KIF21A: variants seen among roughly 807,000 people sequenced by gnomAD.
KIF21A encodes the protein kinesin family member 21A.
In KIF21A, 114 loss-of-function variants were observed where a neutral mutation model predicts 202.9. That is an observed-to-expected ratio of 0.56 (90% confidence interval 0.48 to 0.66). The LOEUF (loss-of-function observed/expected upper bound fraction) is 0.66, where lower values mean the gene tolerates loss of function less well. Among genes scored for constraint, KIF21A ranks in the 30% least tolerant of loss-of-function variants. KIF21A has a pLI of 0.00. For synonymous variants in KIF21A, 667 were observed against 670.8 expected (o/e 0.99, Z 0.09); for missense variants, 1,677 against 1,994.9 (o/e 0.84, Z 3.04).
At chr12:39,323,448 A>G (rs993262313) in intron 26 of KIF21A, among the ~76,000 whole-genome samples, 3 of 152,188 alleles carry the variant, frequency 2.0e-5, no homozygotes, top group Admixed American at 6.5e-5. Flanking sequence ...TTTTTTTTCA[A>G]TTATTGTAAG....
chr12:39,318,996 G>A (rs1234575294), intron 28 of KIF21A, among the ~76,000 whole-genome samples: 3 of 150,718 alleles, frequency 2.0e-5, no homozygotes, highest in Non-Finnish European at 4.4e-5. Context: ...AAAAAAAAAA[G>A]GATAATTTCT....
chr12:39,405,030 T>C (rs1952472733), intron 1 of KIF21A, among the ~76,000 whole-genome samples: 2 of 152,110 alleles, frequency 1.3e-5, no homozygotes, highest in Admixed American at 6.6e-5. Flanking sequence ...AAGTGTATAA[T>C]GGAGAATTTA....
chr12:39,420,514 A>G (rs1481126097), intron 1 of KIF21A, among the ~76,000 whole-genome samples: 7 of 152,144 alleles, frequency 4.6e-5, no homozygotes, highest in Admixed American at 6.6e-5. Context: ...TCTTCCTCAA[A>G]TGTGTCTCCA....
intron 1 of KIF21A, among the ~76,000 whole-genome samples, chr12:39,405,836 G>A (rs1014679837): frequency 6.6e-6 from 1 of 151,682 alleles, no homozygotes; most frequent in African/African-American, 2.4e-5. Context: ...TAACTAGGCC[G>A]TAAGAAAAAA....
rs781537434 is a variant in KIF21A, at chr12:39,442,737, C to T, written c.44+190G>A. Among the ~76,000 whole-genome samples, 1 of 152,266 alleles carries T rather than the reference C, an allele frequency of 6.6e-6. No homozygotes were observed. The highest frequency in any genetic ancestry group is 6.5e-5 in the Admixed American group (1 of 15,300). ...AGACGGCGTGAGGGCGGCGCAGTCGCCCTGCCAGCACCCGGCCGCGCGTGC... is the reference window on the plus strand; with the variant it reads ...AGACGGCGTGAGGGCGGCGCAGTCGTCCTGCCAGCACCCGGCCGCGCGTGC... On this transcript the variant is annotated intron_variant, in intron 1 of 37. Transcript: ENST00000361418. This position sits in a 1 kb window ranked among gnomAD's most constrained non-coding sequence, Gnocchi z 5.0.
intron 1 of KIF21A, among the ~76,000 whole-genome samples, chr12:39,430,470 G>A (rs1006775275): frequency 2.0e-5 from 3 of 151,800 alleles, no homozygotes; most frequent in African/African-American, 7.3e-5. Context: ...GGAGACTGAG[G>A]CAGGAGAATC....
chr12:39,376,980 C>T (rs1236261226), intron 1 of KIF21A, among the ~76,000 whole-genome samples: 1 of 152,130 alleles, frequency 6.6e-6, no homozygotes, highest in Non-Finnish European at 1.5e-5. Flanking sequence ...TGTCCTTAAT[C>T]AATGGTTTCA....
At chr12:39,439,990 C>T (rs1939340749) in intron 1 of KIF21A, among the ~76,000 whole-genome samples, 1 of 151,886 alleles carries the variant, frequency 6.6e-6, no homozygotes, top group Admixed American at 6.6e-5. Flanking sequence ...GGAAAAAAAG[C>T]AGGTCAAATG....
At chr12:39,370,286 A>G (rs747633161) in intron 1 of KIF21A, 25 bp from the exon 2 acceptor site, 1 of 1,550,122 alleles carries the variant, frequency 6.5e-7, no homozygotes, top group South Asian at 1.1e-5. Flanking sequence ...CAGAAAAGAA[A>G]AAAATAAAAT....
At chr12:39,433,983 G>C (rs1938322185) in intron 1 of KIF21A, among the ~76,000 whole-genome samples, 1 of 152,180 alleles carries the variant, frequency 6.6e-6, no homozygotes, top group South Asian at 2.1e-4. Flanking sequence ...GTACATCAAA[G>C]AATAACTAAT....
At chr12:39,395,095 C>T (rs574863757) in intron 1 of KIF21A, among the ~76,000 whole-genome samples, 5 of 152,314 alleles carry the variant, frequency 3.3e-5, no homozygotes, top group Middle Eastern at 3.4e-3. Context: ...CAATAATCTT[C>T]TCATTGTTCT....
chr12:39,404,073 T>G lies in KIF21A; in HGVS notation c.45-33812A>C, dbSNP rs1043552130. ...ATCAAGCACCCAGGAGATTCTTTTT[T>G]ATTTTTATTCATTCATTTTATAGAC... On this transcript the variant is annotated intron_variant, in intron 1 of 37. Coordinates refer to ENST00000361418, the MANE Select transcript of KIF21A (RefSeq NM_001173464.2). Among the ~76,000 whole-genome samples the G allele has an allele frequency of 2.0e-5, 3 of 152,210 alleles. No homozygotes were observed. The East Asian group carries it at 5.8e-4, about 29-fold the overall frequency.
chr12:39,377,727 T>C (rs1161540661), intron 1 of KIF21A, among the ~76,000 whole-genome samples: 1 of 152,134 alleles, frequency 6.6e-6, no homozygotes, highest in Non-Finnish European at 1.5e-5. Flanking sequence ...AGTAACTCCA[T>C]TAAAGAGATT....
chr12:39,371,595 A>G (rs141462255), intron 1 of KIF21A, among the ~76,000 whole-genome samples: 22 of 152,304 alleles, frequency 1.4e-4, no homozygotes, highest in Non-Finnish European at 2.9e-4. Flanking sequence ...CCTACTTGCC[A>G]TGGAGAAAGA....
Position 39,304,835 on chromosome 12 carries a change from C to T in KIF21A, c.4546G>A (p.Asp1516Asn). The change falls in exon 35 of 38, where the codon GAT becomes AAT. Residue 1516 changes from aspartate to asparagine, a missense_variant. By Grantham distance (23) the Asp-to-Asn change is conservative (BLOSUM62 1). Around this residue, in one of 3 missense-constraint regions of KIF21A, gnomAD observed 705 missense variants for 791.9 expected, o/e 0.89. Transcript: ENST00000361418. ...CTTATACATACTTTGATGTAATGATCCTTGGAGCCAGTGATGATTAGATCT... is the reference window on the plus strand; with the variant it reads ...CTTATACATACTTTGATGTAATGATTCTTGGAGCCAGTGATGATTAGATCT... ...GQDLIITGSK[D>N]HYIKMFDVTE... The T allele has an allele frequency of 6.4e-7, 1 of 1,553,552 alleles. No individual in the cohort carries two copies. The highest frequency in any genetic ancestry group is 8.9e-7 in the Non-Finnish European group (1 of 1,125,408).
chr12:39,434,183 G>A (rs768795084), intron 1 of KIF21A, among the ~76,000 whole-genome samples: 3 of 152,196 alleles, frequency 2.0e-5, no homozygotes, highest in Non-Finnish European at 4.4e-5. Context: ...GGTCTTTCTT[G>A]CTGCCTCATC....
intron 1 of KIF21A, among the ~76,000 whole-genome samples, chr12:39,394,726 G>A (rs568305308): frequency 6.6e-6 from 1 of 152,138 alleles, no homozygotes; most frequent in Non-Finnish European, 1.5e-5. Context: ...TATTGGCATG[G>A]CAATTTCAGG....
chr12:39,309,214 T>C (rs558312489), intron 33 of KIF21A, among the ~76,000 whole-genome samples: 1 of 152,300 alleles, frequency 6.6e-6, no homozygotes, highest in East Asian at 1.9e-4. Flanking sequence ...CATGGTGATT[T>C]CAGCCATTTC....
Position 39,358,389 on chromosome 12 carries a change from A to C in KIF21A, c.1020-16T>G, listed in dbSNP as rs1487300105. On this transcript the variant is annotated splice_polypyrimidine_tract_variant and intron_variant, in intron 7 of 37. Coordinates refer to ENST00000361418, the MANE Select transcript of KIF21A (RefSeq NM_001173464.2). ...GATTGTTTGGCTGAAAGTTACAAAT[A>C]ATAGTTAGGCTTACACATAAAAGCA... The C allele has an allele frequency of 6.2e-6, 10 of 1,609,662 alleles. No individual in the cohort carries two copies. Among genetic ancestry groups the C allele is most frequent in the Non-Finnish European group, 7.7e-6 (9 of 1,175,936 alleles).
Sources: allele counts gnomAD v4.1 joint callset (sites outside exome capture counted in the v4.1 genomes callset), GRCh38; gene constraint gnomAD v4.1.1; regional missense constraint gnomAD v4.1.1; non-coding constraint Gnocchi (gnomAD v3.1); transcripts MANE v1.5; gene names NCBI Gene and HGNC (gene_info 2026-07-23, HGNC 2026-07-21).